Variants in LRRK2 observed in about 807,000 individuals in gnomAD.
LRRK2 encodes leucine-rich repeat serine/threonine-protein kinase 2.
A neutral mutation model predicts 302.6 loss-of-function variants in LRRK2; 203 were observed. The observed-to-expected ratio is 0.67, with a 90% CI of 0.60 to 0.75. The LOEUF (loss-of-function observed/expected upper bound fraction) is 0.75. Ranked by LOEUF, LRRK2 falls within the 30% of genes least tolerant of loss-of-function variation. The pLI, the probability that LRRK2 is intolerant of heterozygous loss-of-function variation, is 0.00. For missense variants in LRRK2, 2,830 were observed against 2,951.0 expected (o/e 0.96, Z 0.95); for synonymous variants, 1,066 against 1,031.9 (o/e 1.03, Z -0.63).
intron 8 of LRRK2, among the ~76,000 whole-genome samples, chr12:40,250,928 T>C (rs1232639615): frequency 3.3e-5 from 5 of 152,152 alleles, no homozygotes; most frequent in Non-Finnish European, 5.9e-5. Flanking sequence ...TTTGGGTTGA[T>C]TCCATGTCTT....
intron 38 of LRRK2, among the ~76,000 whole-genome samples, chr12:40,323,769 A>G (rs1945467427): frequency 6.6e-6 from 1 of 151,200 alleles, no homozygotes; most frequent in Non-Finnish European, 1.5e-5. Context: ...ATTAAAGTCA[A>G]AAGTGTTACA....
chr12:40,355,190 C>G (rs1946489042), intron 45 of LRRK2, among the ~76,000 whole-genome samples: 1 of 151,220 alleles, frequency 6.6e-6, no homozygotes, highest in African/African-American at 2.5e-5. Flanking sequence ...ATCAACTCCA[C>G]TGGCAGTTTC....
At chr12:40,353,563 C>A (rs1361134141) in intron 44 of LRRK2, among the ~76,000 whole-genome samples, 1 of 151,502 alleles carries the variant, frequency 6.6e-6, no homozygotes, top group African/African-American at 2.4e-5. Context: ...AGAGACGCTC[C>A]TCACTTCCCA....
chr12:40,293,521 G>A (rs201183908), intron 20 of LRRK2, 24 bp from the exon 21 acceptor site: 16 of 1,435,066 alleles, frequency 1.1e-5, no homozygotes, highest in African/African-American at 5.6e-5. Flanking sequence ...TCACCTTCAT[G>A]TTATTTTATC....
At chr12:40,252,106 A>G (rs912257812) in intron 10 of LRRK2, among the ~76,000 whole-genome samples, 2 of 152,184 alleles carry the variant, frequency 1.3e-5, no homozygotes, top group Non-Finnish European at 2.9e-5. Flanking sequence ...AGCTGTAGCA[A>G]GGAGTTTTGT....
At position 40,283,892 on chromosome 12, in the gene LRRK2, C is replaced by T; in HGVS notation, c.2259C>T (p.Ser753=). The part of the protein sequence containing the change: ...SLICQVCEKE[S]SPKLVELLLN... ...TTTAATAGGTATGTGAGAAAGAGAG[C>T]AGTCCCAAATTGGTGGAACTCTTAC... The change falls in exon 19 of 51, where the codon AGC becomes AGT. Residue 753 remains serine (S), a synonymous_variant. Transcript: ENST00000298910. The T allele has an allele frequency of 6.2e-7, 1 of 1,612,540 alleles. No individual in the cohort carries two copies. Among genetic ancestry groups the T allele is most frequent in the South Asian group, 1.1e-5 (1 of 90,802 alleles).
rs776846702 is a variant in LRRK2 at position 40,359,313 on chromosome 12, A to C, written c.6897A>C (p.Pro2299=). The part of the protein sequence containing the change: ...KILNIGNVST[P]LMCLSESTNS... ...TAAATATAGGAAATGTCAGTACTCC[A>C]TTGATGTGTTTGAGTGAATCCACAA... Residue 2299 remains proline (P), a synonymous_variant, in exon 47 of 51, where the codon CCA becomes CCC. Coordinates refer to ENST00000298910, the MANE Select transcript of LRRK2 (RefSeq NM_198578.4). The C allele has an allele frequency of 1.2e-6, 2 of 1,613,032 alleles. No individual in the cohort carries two copies. Among genetic ancestry groups the C allele is most frequent in the South Asian group, 1.1e-5 (1 of 91,052 alleles).
At position 40,299,094 on chromosome 12, in the gene LRRK2, G is replaced by A. The variant is rs1944522374; in HGVS notation, c.3348-15G>A. The A allele has an allele frequency of 6.2e-7, 1 of 1,610,010 alleles. No individual in the cohort carries two copies. The highest frequency in any genetic ancestry group is 1.7e-5 in the Admixed American group (1 of 59,704). On this transcript the variant is annotated splice_polypyrimidine_tract_variant and intron_variant, in intron 24 of 50. Transcript: ENST00000298910. Reference sequence around the variant, plus strand: ...ATTTATGCAATTTAATCATTATCTTGTCTCTTGTGACTAGAAATAAAATAT... The same window carrying A: ...ATTTATGCAATTTAATCATTATCTTATCTCTTGTGACTAGAAATAAAATAT...
At chr12:40,226,633 A>G (rs577831774) in intron 2 of LRRK2, among the ~76,000 whole-genome samples, 1 of 152,310 alleles carries the variant, frequency 6.6e-6, no homozygotes, top group East Asian at 1.9e-4. Context: ...TGGAAGAAAT[A>G]TTTTAATTTG....
chr12:40,309,799 A>G (rs898212856), intron 30 of LRRK2, among the ~76,000 whole-genome samples: 1 of 152,200 alleles, frequency 6.6e-6, no homozygotes, highest in Non-Finnish European at 1.5e-5. Context: ...TGATGCTGCA[A>G]TGAACTCTTC....
At chr12:40,367,438 A>G in intron 50 of LRRK2, 1 of 432,720 alleles carries the variant, frequency 2.3e-6, no homozygotes, top group African/African-American at 2.1e-5. Flanking sequence ...TTGATACTCT[A>G]TTTGAAATTT....
intron 11 of LRRK2, among the ~76,000 whole-genome samples, chr12:40,255,621 A>G (rs1477354590): frequency 6.6e-6 from 1 of 152,184 alleles, no homozygotes; most frequent in Non-Finnish European, 1.5e-5. Flanking sequence ...AAATTCAAGG[A>G]CCCCATACAG....
chr12:40,275,089 T>C, intron 16 of LRRK2, 96 bp downstream of exon 16: 1 of 1,306,850 alleles, frequency 7.7e-7, no homozygotes, highest in Non-Finnish European at 1.1e-6. Flanking sequence ...TGGGGTATTC[T>C]AGTTAATGGA....
In LRRK2 at chr12:40,304,430, C is replaced by T. The variant is rs920050236; in HGVS notation, c.3777+296C>T. On this transcript the variant is annotated intron_variant, in intron 27 of 50. Coordinates refer to ENST00000298910, the MANE Select transcript of LRRK2 (RefSeq NM_198578.4). ...TTCCACTAAACAATAAAACAATATG[C>T]TATACTTATCAGAACCTTTTAATCT... 18 of 411,088 alleles carry T rather than the reference C, an allele frequency of 4.4e-5. 1 individual carries two copies. Among genetic ancestry groups the T allele is most frequent in the African/African-American group, 2.7e-4 (13 of 48,648 alleles). 25.5% of individuals were successfully genotyped at this position (411,088 alleles called of 1,614,324 possible).
chr12:40,323,890 T>C (rs1165787009), intron 38 of LRRK2, among the ~76,000 whole-genome samples: 2 of 152,018 alleles, frequency 1.3e-5, no homozygotes, highest in African/African-American at 4.8e-5. Flanking sequence ...ATGGAAATCA[T>C]TGAATTCATG....
chr12:40,358,172 T>G (rs1946599549), intron 46 of LRRK2, among the ~76,000 whole-genome samples: 1 of 152,146 alleles, frequency 6.6e-6, no homozygotes, highest in Non-Finnish European at 1.5e-5. Context: ...TTTCCTCACA[T>G]TTAATGGATC....
At chr12:40,301,639 C>A (rs1431403616) in intron 25 of LRRK2, among the ~76,000 whole-genome samples, 1 of 152,116 alleles carries the variant, frequency 6.6e-6, no homozygotes, top group African/African-American at 2.4e-5. Flanking sequence ...CATTTTGACC[C>A]TTGAAGATTG....
chr12:40,368,501 G>C lies in LRRK2; in HGVS notation c.*736G>C, dbSNP rs1365770. On this transcript the variant is annotated 3_prime_UTR_variant, in exon 51 of 51. Coordinates refer to ENST00000298910, the MANE Select transcript of LRRK2 (RefSeq NM_198578.4). ...TAATAGAGTTGTTTTTCAACTCTAT[G>C]TTTGAATGTGGATACCCTGAATTTT... 0.62 allele frequency: 93,410 copies of C among 151,550 alleles called. 29,197 individuals are homozygous for C. The highest frequency in any genetic ancestry group is 0.67 in the Non-Finnish European group (45,106 of 67,612). The allele number at this position is 151,550 out of a possible 1,614,324, so 9.4% of individuals were successfully genotyped here. A position where few individuals can be genotyped will look rare whatever the true frequency, so the allele number is the denominator to read the frequency against.
chr12:40,282,678 A>G (rs1226133298), intron 18 of LRRK2, among the ~76,000 whole-genome samples: 3 of 152,174 alleles, frequency 2.0e-5, no homozygotes, highest in Non-Finnish European at 4.4e-5. Flanking sequence ...AGAGCTCTGT[A>G]GTGCTTTGAG....
Sources: allele counts gnomAD v4.1 joint callset (sites outside exome capture counted in the v4.1 genomes callset), GRCh38; gene constraint gnomAD v4.1.1; transcripts MANE v1.5; gene names NCBI Gene and HGNC (gene_info 2026-07-23, HGNC 2026-07-21).